The following AKNA variants were observed in gnomAD, a reference collection of about 807,000 sequenced individuals.
AKNA encodes the protein microtubule organization protein AKNA.
AKNA carries 67 observed loss-of-function variants against 138.8 expected under a neutral mutation model. The ratio of observed to expected loss-of-function variants is 0.48; its 90% CI spans 0.40 to 0.59. The LOEUF (loss-of-function observed/expected upper bound fraction) is 0.59. Among genes scored for constraint, AKNA ranks in the 20% least tolerant of loss-of-function variants. The pLI is 0.00. For missense variants in AKNA, 1,813 were observed against 1,880.4 expected, an observed-to-expected ratio of 0.96 and a Z score of 0.66; for synonymous variants, 737 against 754.4, an observed-to-expected ratio of 0.98 and a Z score of 0.38.
At chr9:114,383,053 G>A (rs766108494) in intron 1 of AKNA, 17 of 440,030 alleles carry the variant, frequency 3.9e-5, no homozygotes, top group Non-Finnish European at 6.9e-5. Flanking sequence ...CGGGGAGCAA[G>A]CCTACCAGGG....
chr9:114,357,061 G>A lies in AKNA; in HGVS notation c.2740-92C>T. On this transcript the variant is annotated intron_variant, in intron 12 of 21. Transcript: ENST00000374088. ...AATCGTGGCCTGGCCTCACCTCCCA[G>A]AGGCTCACACCCCAGGGTTGCTGGC... 2.6e-6 allele frequency: 3 copies of A among 1,144,176 alleles called. 1 individual carries two copies. The highest frequency in any genetic ancestry group is 3.7e-6 in the Non-Finnish European group (3 of 812,902). 70.9% of individuals were successfully genotyped at this position (1,144,176 alleles called of 1,614,324 possible). A position where few individuals can be genotyped will look rare whatever the true frequency, so the allele number is the denominator to read the frequency against.
intron 14 of AKNA, among the ~76,000 whole-genome samples, chr9:114,351,987 A>T (rs1250532429): frequency 2.0e-5 from 3 of 152,264 alleles, no homozygotes; most frequent in Non-Finnish European, 4.4e-5. Context: ...AAGGTTACAT[A>T]GTATATGATT....
At chr9:114,397,671 C>G (rs1267089777), upstream of AKNA, among the ~76,000 whole-genome samples, 1 of 152,252 alleles carries the variant, frequency 6.6e-6, no homozygotes, top group Non-Finnish European at 1.5e-5. Flanking sequence ...CCAGCCCCAT[C>G]ACACTGGGGA....
rs138805714 is a variant in AKNA at position 114,362,523 on chromosome 9, C to T, written c.1799G>A (p.Arg600Gln). Residue 600 changes from arginine (R) to glutamine (Q), a missense_variant, in exon 8 of 22, where the codon CGG becomes CAG. By Grantham distance (43) the Arg-to-Gln change is conservative (BLOSUM62 1). Transcript: ENST00000374088. ...MPQDQVKGFQ[R>Q]LKAAHAALEE... Reference sequence around the variant, plus strand: ...TAGGGCCGCGTGGGCAGCCTTCAGCCGCTGGAAGCCCTGAAACCAGACCAG... The same window carrying T: ...TAGGGCCGCGTGGGCAGCCTTCAGCTGCTGGAAGCCCTGAAACCAGACCAG... 43 of 1,612,912 alleles carry T rather than the reference C, an allele frequency of 2.7e-5. No individual in the cohort carries two copies. The highest frequency in any genetic ancestry group is 6.7e-5 in the African/African-American group (5 of 74,908).
At chr9:114,342,238 G>A (rs1830406664) in intron 19 of AKNA, 113 bp from the exon 20 acceptor site, 1 of 703,920 alleles carries the variant, frequency 1.4e-6, no homozygotes, top group African/African-American at 1.8e-5. Flanking sequence ...ACTGCGGAGG[G>A]GACAAGCTGC....
chr9:114,336,928 T>C lies in AKNA; in HGVS notation c.*126A>G. ...GGGACTGAGCAGGCGGGACCTGTGC[T>C]GGAGGGAGACCCTCCTGGTGAGGAA... is the stretch of plus-strand genomic sequence containing the variant. On this transcript the variant is annotated 3_prime_UTR_variant, in exon 22 of 22. Transcript: ENST00000374088. 1.6e-6 allele frequency: 2 copies of C among 1,261,014 alleles called. No homozygotes were observed. The highest frequency in any genetic ancestry group is 2.1e-6 in the Non-Finnish European group (2 of 950,094). 78.1% of individuals were successfully genotyped at this position (1,261,014 alleles called of 1,614,324 possible). A position where few individuals can be genotyped will look rare whatever the true frequency, so the allele number is the denominator to read the frequency against.
chr9:114,339,029 A>C (rs908962550), intron 21 of AKNA, among the ~76,000 whole-genome samples: 4 of 152,236 alleles, frequency 2.6e-5, no homozygotes, highest in Non-Finnish European at 5.9e-5. Flanking sequence ...TGGTGTAAGT[A>C]ACTACAGAGG....
Position 114,359,977 on chromosome 9 carries a change from T to C in AKNA, c.2210A>G (p.Glu737Gly). Reference sequence around the variant, plus strand: ...GGCCAGGGGGTCCTGTGGCCTGTCCTCCACCTCACTGTTGCCAGAGCTCAC... The same window carrying C: ...GGCCAGGGGGTCCTGTGGCCTGTCCCCCACCTCACTGTTGCCAGAGCTCAC... The part of the protein sequence containing the change: ...VEVSSGNSEV[E>G]DRPQDPLARL... The change falls in exon 10 of 22, where the codon GAG becomes GGG. Residue 737 changes from glutamate to glycine, a missense_variant. Physicochemically the swap from Glu to Gly is moderately conservative, Grantham distance 98. Transcript: ENST00000374088. 4.3e-6 allele frequency: 7 copies of C among 1,614,222 alleles called. No individual in the cohort carries two copies. The highest frequency in any genetic ancestry group is 1.3e-5 in the African/African-American group (1 of 75,054).
intron 4 of AKNA, among the ~76,000 whole-genome samples, chr9:114,373,413 T>C (rs1241044066): frequency 6.6e-6 from 1 of 152,060 alleles, no homozygotes; most frequent in Non-Finnish European, 1.5e-5. Context: ...TCCAGGAAGA[T>C]TCAGGCCCAA....
Position 114,359,957 on chromosome 9 carries a change from G to T in AKNA, c.2230C>A (p.Leu744Met). ...SEVEDRPQDP[L>M]ARLRHKELQM... ...AGCTCCTTGTGCCTGAGTCGGGCCA[G>T]GGGGTCCTGTGGCCTGTCCTCCACC... The change falls in exon 10 of 22, where the codon CTG (leucine) becomes ATG (methionine). Residue 744 changes from leucine (L) to methionine (M), a missense_variant. Transcript: ENST00000374088. The T allele has an allele frequency of 6.2e-7, 1 of 1,613,238 alleles. No homozygotes were observed. The highest frequency in any genetic ancestry group is 8.5e-7 in the Non-Finnish European group (1 of 1,179,164).
rs369809519 is a variant in AKNA at position 114,359,628 on chromosome 9, C to T, written c.2458G>A (p.Val820Met). 5.6e-6 allele frequency: 9 copies of T among 1,614,188 alleles called. No homozygotes were observed. In the Admixed American group the frequency reaches 6.7e-5, roughly 12 times the overall value. The change falls in exon 11 of 22, where the codon GTG becomes ATG. Residue 820 changes from valine to methionine, a missense_variant. Physicochemically the swap from Val to Met is conservative, Grantham distance 21. Coordinates refer to ENST00000374088, the MANE Select transcript of AKNA (RefSeq NM_001317950.2). ...GCCCCATGACTTTTCTCAGCCTGCA[C>T]CGGGCACTGCCTTGGGAGGACCCTG... ...ATRVLPRQCP[V>M]QAEKSHGAPL...
chr9:114,365,876 A>G (rs1474680220), intron 6 of AKNA, among the ~76,000 whole-genome samples: 2 of 152,212 alleles, frequency 1.3e-5, no homozygotes, highest in Admixed American at 1.3e-4. Flanking sequence ...GCAGCACTAG[A>G]CATGAGGGGT....
chr9:114,330,608 T>A (rs1829835226), downstream of AKNA: 6 of 1,609,998 alleles, frequency 3.7e-6, no homozygotes, highest in African/African-American at 1.4e-5. Context: ...CACCCCCATC[T>A]CAGCTTCTGG....
upstream of AKNA, chr9:114,396,869 G>C (rs1216732447): frequency 6.6e-6 from 1 of 152,136 alleles, no homozygotes; most frequent in Admixed American, 6.5e-5. Flanking sequence ...ATTCGACTGG[G>C]GATGTGAATG....
chr9:114,331,882 T>G (rs1214997559), downstream of AKNA: 1 of 1,613,908 alleles, frequency 6.2e-7, no homozygotes, highest in Non-Finnish European at 8.5e-7. Flanking sequence ...AGCTCTCGAC[T>G]GCTTGTGCAT....
At chr9:114,339,740 T>C (rs1830216560) in intron 21 of AKNA, among the ~76,000 whole-genome samples, 4 of 152,202 alleles carry the variant, frequency 2.6e-5, no homozygotes, top group African/African-American at 4.8e-5. Flanking sequence ...TTGGTTCTCA[T>C]CTCTGCTGGA....
intron 2 of AKNA, among the ~76,000 whole-genome samples, chr9:114,377,955 C>T (rs1006875379): frequency 1.2e-4 from 19 of 152,162 alleles, no homozygotes; most frequent in African/African-American, 4.6e-4. Context: ...TACCTTAGCT[C>T]GCGTCCCATC....
chr9:114,382,644 G>A (rs1833772574), intron 1 of AKNA, among the ~76,000 whole-genome samples: 1 of 150,998 alleles, frequency 6.6e-6, no homozygotes, highest in Admixed American at 6.6e-5. Context: ...AAAAACAGGT[G>A]CTCAAATGAA....
upstream of AKNA, among the ~76,000 whole-genome samples, chr9:114,388,905 C>T (rs1307935410): frequency 1.3e-5 from 2 of 152,168 alleles, no homozygotes; most frequent in African/African-American, 2.4e-5. Flanking sequence ...CCAGGTGGCA[C>T]TGAAGCCTGG....
Sources: gnomAD v4.1 joint callset for allele counts (sites outside exome capture counted in the v4.1 genomes callset) on GRCh38, gnomAD v4.1.1 for gene constraint, MANE v1.5 for transcripts, NCBI Gene and HGNC (gene_info 2026-07-23, HGNC 2026-07-21) for gene names.